The following RALYL variants were observed in gnomAD, a reference collection of about 807,000 sequenced individuals.
RALYL encodes RALY RNA binding protein like.
In RALYL, 29 loss-of-function variants were observed where a neutral mutation model predicts 35.1. The observed-to-expected ratio is 0.83, with a 90% confidence interval of 0.61 to 1.13. The LOEUF (loss-of-function observed/expected upper bound fraction) is 1.13, where lower values mean the gene tolerates loss of function less well. RALYL is among the 50% of genes most tolerant of loss of function. The probability of loss-of-function intolerance (pLI) is 0.00; values close to 1 mark genes in which losing one functional copy is unlikely to be tolerated. For missense variants in RALYL, 359 were observed against 360.4 expected (o/e 1.00, Z 0.03); for synonymous variants, 120 against 127.6 (o/e 0.94, Z 0.40).
At chr8:84,388,905 G>A in intron 1 of RALYL, among the ~76,000 whole-genome samples, 1 of 152,140 alleles carries the variant, frequency 6.6e-6, no homozygotes. Flanking sequence ...TTTTAGACAT[G>A]AAGTCCTTGC....
chr8:84,889,284 A>T (rs1035917581), intron 8 of RALYL, among the ~76,000 whole-genome samples: 4 of 152,170 alleles, frequency 2.6e-5, no homozygotes, highest in Admixed American at 2.6e-4. Flanking sequence ...TTCTAATCAG[A>T]TCTCTGCTGT....
intron 1 of RALYL, among the ~76,000 whole-genome samples, chr8:84,341,548 A>G (rs778126855): frequency 6.6e-6 from 1 of 152,036 alleles, no homozygotes; most frequent in Non-Finnish European, 1.5e-5. Context: ...TTATATATCT[A>G]CAATTCTGTT....
At chr8:84,736,162 A>G (rs1847275848) in intron 2 of RALYL, among the ~76,000 whole-genome samples, 2 of 152,150 alleles carry the variant, frequency 1.3e-5, no homozygotes, top group African/African-American at 4.8e-5. Context: ...GTTTCTTCCC[A>G]GTGCAGTAAA....
intron 3 of RALYL, among the ~76,000 whole-genome samples, chr8:84,787,783 C>T (rs922209530): frequency 2.6e-5 from 4 of 152,304 alleles, no homozygotes; most frequent in African/African-American, 7.2e-5. Context: ...TGATGGTGAG[C>T]TTTGTTTCAT....
chr8:84,446,662 T>C (rs961164546), intron 1 of RALYL, among the ~76,000 whole-genome samples: 1 of 152,076 alleles, frequency 6.6e-6, no homozygotes, highest in Non-Finnish European at 1.5e-5. Flanking sequence ...TATTGATTAT[T>C]AAGAATATGT....
At chr8:84,623,303 A>C (rs994105053) in intron 2 of RALYL, among the ~76,000 whole-genome samples, 3 of 152,208 alleles carry the variant, frequency 2.0e-5, no homozygotes, top group Non-Finnish European at 2.9e-5. Context: ...GTCTAAAAGC[A>C]TGAAAGTTTA....
chr8:84,888,938 T>G (rs1417420056), intron 8 of RALYL, among the ~76,000 whole-genome samples: 1 of 152,080 alleles, frequency 6.6e-6, no homozygotes, highest in Non-Finnish European at 1.5e-5. Context: ...TTAATATAGA[T>G]GCGGTTTCAC....
rs1012842136 is a variant in RALYL at position 84,688,952 on chromosome 8, G to A, written c.257-85627G>A. On this transcript the variant is annotated intron_variant, in intron 2 of 8. Transcript: ENST00000521268. Reference sequence around the variant, plus strand: ...GAGAAGACATACAAAGGGCCAACAGGTATACGAAAAAAAATTTCAACATCG... The same window carrying A: ...GAGAAGACATACAAAGGGCCAACAGATATACGAAAAAAAATTTCAACATCG... Among the ~76,000 whole-genome samples the A allele has an allele frequency of 2.0e-5, 3 of 151,788 alleles. No homozygotes were observed. In the South Asian group the frequency reaches 6.2e-4, roughly 32 times the overall value.
chr8:84,411,258 A>G (rs962479866), intron 1 of RALYL, among the ~76,000 whole-genome samples: 1 of 151,904 alleles, frequency 6.6e-6, no homozygotes, highest in African/African-American at 2.4e-5. Flanking sequence ...ACTGGACAAA[A>G]TAATAACATC....
chr8:84,415,520 G>A (rs1486547262), intron 1 of RALYL, among the ~76,000 whole-genome samples: 1 of 144,826 alleles, frequency 6.9e-6, no homozygotes, highest in Non-Finnish European at 1.5e-5. Flanking sequence ...TTACAGGCGT[G>A]AGCCACCGCG....
intron 1 of RALYL, among the ~76,000 whole-genome samples, chr8:84,223,182 T>C (rs1822860358): frequency 8.7e-6 from 1 of 114,916 alleles, no homozygotes; most frequent in South Asian, 3.1e-4. Context: ...TCCCTTCCCT[T>C]CCCTTCCCTT....
chr8:84,525,278 A>G (rs576835194), intron 1 of RALYL, among the ~76,000 whole-genome samples: 1 of 152,216 alleles, frequency 6.6e-6, no homozygotes, highest in South Asian at 2.1e-4. Flanking sequence ...AATTAAAAAC[A>G]GACAGTTTGT....
chr8:84,486,240 A>C (rs1010436421), intron 1 of RALYL, among the ~76,000 whole-genome samples: 1 of 150,530 alleles, frequency 6.6e-6, no homozygotes, highest in Non-Finnish European at 1.5e-5. Context: ...GAAATAAACC[A>C]AAACAATATA....
At chr8:84,480,499 C>G (rs987460825) in intron 1 of RALYL, among the ~76,000 whole-genome samples, 2 of 152,238 alleles carry the variant, frequency 1.3e-5, no homozygotes, top group East Asian at 1.9e-4. Flanking sequence ...TTAAGGACTT[C>G]TGTGCGTATT....
intron 2 of RALYL, among the ~76,000 whole-genome samples, chr8:84,652,098 G>C (rs897515266): frequency 6.6e-6 from 1 of 152,068 alleles, no homozygotes; most frequent in African/African-American, 2.4e-5. Flanking sequence ...GGAATCTCAA[G>C]TGTAAGACAC....
chr8:84,792,462 C>T (rs1443623981), intron 3 of RALYL, among the ~76,000 whole-genome samples: 1 of 152,188 alleles, frequency 6.6e-6, no homozygotes, highest in Non-Finnish European at 1.5e-5. Context: ...TCTCATCTCC[C>T]CCTGGAGCTG....
At chr8:84,758,094 G>T (rs1006939236) in intron 2 of RALYL, among the ~76,000 whole-genome samples, 4 of 152,088 alleles carry the variant, frequency 2.6e-5, no homozygotes, top group African/African-American at 9.7e-5. Context: ...TTTTGAGAAG[G>T]TTTTTCTCAA....
chr8:84,683,018 T>G (rs964913920), intron 2 of RALYL, among the ~76,000 whole-genome samples: 2 of 152,202 alleles, frequency 1.3e-5, no homozygotes, highest in Non-Finnish European at 2.9e-5. Flanking sequence ...TTTGAATGTT[T>G]TCCAGAGATT....
Position 84,887,720 on chromosome 8 carries a change from G to A in RALYL, c.802G>A (p.Glu268Lys). The change falls in exon 8 of 9, where the codon GAA (glutamate) becomes AAA (lysine). Residue 268 changes from glutamate to lysine, a missense_variant. By Grantham distance (56) the Glu-to-Lys change is moderately conservative. Coordinates refer to ENST00000521268, the MANE Select transcript of RALYL (RefSeq NM_173848.7). Reference sequence around the variant, plus strand: ...TGAAGGAGGGCCAGATGCCGATGGAGAAGAGATGACAGATGGGATAGAGGA... The same window carrying A: ...TGAAGGAGGGCCAGATGCCGATGGAAAAGAGATGACAGATGGGATAGAGGA... ...PAEGGPDADG[E>K]EMTDGIEEDF... 1 of 1,613,964 alleles carries A rather than the reference G, an allele frequency of 6.2e-7. No homozygotes were observed. Among genetic ancestry groups the A allele is most frequent in the Non-Finnish European group, 8.5e-7 (1 of 1,179,832 alleles).
Sources: gnomAD v4.1 joint callset for allele counts (sites outside exome capture counted in the v4.1 genomes callset) on GRCh38, gnomAD v4.1.1 for gene constraint, MANE v1.5 for transcripts, NCBI Gene and HGNC (gene_info 2026-07-23, HGNC 2026-07-21) for gene names.